Variants in APP observed in about 807,000 individuals in gnomAD.
APP encodes the protein amyloid beta precursor protein.
Under a neutral mutation model 101.4 loss-of-function variants are expected in APP, and 31 were observed. The ratio of observed to expected loss-of-function variants is 0.31; its 90% confidence interval spans 0.23 to 0.41. The LOEUF (loss-of-function observed/expected upper bound fraction) is 0.41, where lower values mean the gene tolerates loss of function less well. Ranked by LOEUF, APP falls within the 10% of genes least tolerant of loss-of-function variation. APP has a pLI of 1.00. For synonymous variants in APP, 366 were observed against 364.4 expected, an observed-to-expected ratio of 1.00 and a Z score of -0.05; for missense variants, 839 against 1,003.7, an observed-to-expected ratio of 0.84 and a Z score of 2.22.
intron 14 of APP, among the ~76,000 whole-genome samples, chr21:25,907,137 C>CTCT (rs144592208): frequency 0.023 from 3,547 of 152,146 alleles, 128 homozygotes; most frequent in African/African-American, 0.078. Context: ...CCTCTCCCCG[C>CTCT]TCTTCTTCTT....
chr21:25,982,345 T>C lies in APP; in HGVS notation c.1223A>G (p.Gln408Arg). 5.0e-6 allele frequency: 8 copies of C among 1,613,650 alleles called. No homozygotes were observed. Among genetic ancestry groups the C allele is most frequent in the African/African-American group, 1.3e-5 (1 of 74,970 alleles). ...LEAKHRERMS[Q>R]VMREWEEAER... ...GAATGATGGAAGAGCCAGACTTACC[T>C]GGGACATTCTCTCTCGGTGCTTGGC... The change falls in exon 9 of 18, where the codon CAG (glutamine) becomes CGG (arginine). Residue 408 changes from glutamine (Q) to arginine (R), a missense_variant and splice_region_variant. Transcript: ENST00000346798.
chr21:26,032,509 T>C (rs553282117), intron 5 of APP, among the ~76,000 whole-genome samples: 1 of 152,312 alleles, frequency 6.6e-6, no homozygotes, highest in South Asian at 2.1e-4. Context: ...AATGTGACTA[T>C]GAACATGTCA....
rs1277997399 is a variant in APP, at chr21:26,000,048, C to G, written c.1000G>C (p.Glu334Gln). Residue 334 changes from glutamate (E) to glutamine (Q), a missense_variant, in exon 7 of 18, where the codon GAA (glutamate) becomes CAA (glutamine). Coordinates refer to ENST00000346798, the MANE Select transcript of APP (RefSeq NM_000484.4). ...CCACACACGGCCATGCAGTACTCTTCTGTGTCAAAGTTGTTCCGGTTGCCG... is the reference window on the plus strand; with the variant it reads ...CCACACACGGCCATGCAGTACTCTTGTGTGTCAAAGTTGTTCCGGTTGCCG... ...CGGNRNNFDT[E>Q]EYCMAVCGSA... 8 of 1,614,020 alleles carry G rather than the reference C, an allele frequency of 5.0e-6. No individual in the cohort carries two copies. The highest frequency in any genetic ancestry group is 1.7e-5 in the Admixed American group (1 of 60,012).
intron 13 of APP, among the ~76,000 whole-genome samples, chr21:25,932,332 G>C (rs1041648725): frequency 8.8e-6 from 1 of 113,940 alleles, no homozygotes; most frequent in African/African-American, 3.5e-5. Flanking sequence ...CAATGGTGAA[G>C]TGAAGTGAAG....
chr21:26,009,024 C>G (rs1030656046), intron 6 of APP, among the ~76,000 whole-genome samples: 1 of 152,198 alleles, frequency 6.6e-6, no homozygotes, highest in Non-Finnish European at 1.5e-5. Context: ...GACTCAACAA[C>G]GATTGTTTTC....
In APP at chr21:26,062,079, G is replaced by A. The variant is rs550607568; in HGVS notation, c.356-8731C>T. 5.3e-5 allele frequency among the ~76,000 whole-genome samples: 8 copies of A among 152,044 alleles called. No homozygotes were observed. The South Asian group carries it at 6.2e-4, about 12-fold the overall frequency. On this transcript the variant is annotated intron_variant, in intron 3 of 17. Transcript: ENST00000346798. ...ACAAAAATTAGCTGAGCATGTTGGC[G>A]CGCACCTATAGTCCCAGCTACTCGG...
intron 7 of APP, among the ~76,000 whole-genome samples, chr21:25,999,729 G>A (rs2043206065): frequency 6.6e-6 from 1 of 152,182 alleles, no homozygotes; most frequent in East Asian, 1.9e-4. Flanking sequence ...CTCCAGCTTT[G>A]TTTAAAAGAG....
rs114254652 is a variant in APP at position 26,034,821 on chromosome 21, C to T, written c.663-12779G>A. On this transcript the variant is annotated intron_variant, in intron 5 of 17. Coordinates refer to ENST00000346798, the MANE Select transcript of APP (RefSeq NM_000484.4). ...TAAGTGTCTGGCATTCTGCTGGATC[C>T]GAGGCTCCAAAAGGGAAAAAGATAA... Among the ~76,000 whole-genome samples, 138 of 151,996 alleles carry T rather than the reference C, an allele frequency of 9.1e-4. 1 individual carries two copies. Among genetic ancestry groups the T allele is most frequent in the African/African-American group, 3.3e-3 (136 of 41,444 alleles).
chr21:25,917,887 A>T (rs1384184108), intron 13 of APP, among the ~76,000 whole-genome samples: 1 of 152,040 alleles, frequency 6.6e-6, no homozygotes, highest in Non-Finnish European at 1.5e-5. Flanking sequence ...ACTTCTCAAA[A>T]CAAGACATGT....
intron 13 of APP, among the ~76,000 whole-genome samples, chr21:25,925,004 A>C (rs2039823701): frequency 6.6e-6 from 1 of 152,206 alleles, no homozygotes; most frequent in Non-Finnish European, 1.5e-5. Flanking sequence ...ACCAATTCTT[A>C]TCTTTTAAAT....
intron 1 of APP, among the ~76,000 whole-genome samples, chr21:26,140,993 T>C (rs988919656): frequency 8.5e-5 from 13 of 152,208 alleles, no homozygotes; most frequent in Non-Finnish European, 1.3e-4. Context: ...ATTCTAACAC[T>C]AACTGTAATT....
At chr21:26,125,640 T>C (rs117763284) in intron 1 of APP, among the ~76,000 whole-genome samples, 7 of 150,148 alleles carry the variant, frequency 4.7e-5, no homozygotes, top group Non-Finnish European at 1.0e-4. Flanking sequence ...ATTATTAGAG[T>C]GCACCAGGCT....
At chr21:25,914,880 T>C (rs1443137132) in intron 13 of APP, among the ~76,000 whole-genome samples, 1 of 152,134 alleles carries the variant, frequency 6.6e-6, no homozygotes, top group African/African-American at 2.4e-5. Flanking sequence ...GCCTCCAGAA[T>C]TGTAGTATTT....
chr21:26,019,042 G>T (rs1298832978), intron 6 of APP, among the ~76,000 whole-genome samples: 1 of 152,168 alleles, frequency 6.6e-6, no homozygotes, highest in Admixed American at 6.5e-5. Flanking sequence ...TAGAATATGG[G>T]CCTAAGTTTA....
chr21:26,009,595 CTTTT>C (rs36052312), intron 6 of APP: 2 of 142,320 alleles, frequency 1.4e-5, no homozygotes, highest in Non-Finnish European at 1.5e-5. Flanking sequence ...CTTTTCTTTT[CTTTT>C]TTTTTTTTTG....
chr21:25,903,536 A>G (rs2038626532), intron 15 of APP, among the ~76,000 whole-genome samples: 1 of 152,108 alleles, frequency 6.6e-6, no homozygotes, highest in Middle Eastern at 3.2e-3. Context: ...TCTAAGTTAC[A>G]TTTTATGCTT....
intron 5 of APP, 150 bp from the exon 6 acceptor site, chr21:26,022,192 G>T: frequency 4.2e-6 from 4 of 956,866 alleles, no homozygotes; most frequent in Non-Finnish European, 6.6e-6. Context: ...TCCCAGCTCA[G>T]TGGGTCTGCA....
chr21:26,077,627 T>C (rs938084360), intron 3 of APP, among the ~76,000 whole-genome samples: 7 of 152,156 alleles, frequency 4.6e-5, no homozygotes, highest in African/African-American at 1.7e-4. Flanking sequence ...TGCCATTTTT[T>C]CCTGGAGGCC....
At chr21:25,989,267 C>T (rs2042763357) in intron 8 of APP, among the ~76,000 whole-genome samples, 1 of 152,348 alleles carries the variant, frequency 6.6e-6, no homozygotes. Context: ...TTAAGTTGAA[C>T]TGTACATGCA....
Sources: gnomAD v4.1 joint callset for allele counts (sites outside exome capture counted in the v4.1 genomes callset) on GRCh38, gnomAD v4.1.1 for gene constraint, MANE v1.5 for transcripts, NCBI Gene and HGNC (gene_info 2026-07-23, HGNC 2026-07-21) for gene names.